NEK6: variants seen among roughly 807,000 people sequenced by gnomAD.
NEK6 encodes NIMA related kinase 6, also known as serine/threonine-protein kinase Nek6.
In NEK6, 27 loss-of-function variants were observed where a neutral mutation model predicts 43.5. The ratio of observed to expected loss-of-function variants is 0.62; its 90% CI spans 0.46 to 0.86. The LOEUF (loss-of-function observed/expected upper bound fraction) is 0.86. Ranked by LOEUF, NEK6 falls within the 40% of genes least tolerant of loss-of-function variation. NEK6 has a pLI of 0.00. For missense variants in NEK6, 318 were observed against 414.4 expected (o/e 0.77, Z 2.02); for synonymous variants, 167 against 164.1 (o/e 1.02, Z -0.14).
At chr9:124,308,418 G>A (rs1051020091) in intron 2 of NEK6, among the ~76,000 whole-genome samples, 67 of 152,140 alleles carry the variant, frequency 4.4e-4, no homozygotes, top group Non-Finnish European at 6.3e-4. Flanking sequence ...TTGGGAGGCC[G>A]AGGCAGGTGG....
chr9:124,308,309 A>C (rs978571812), intron 2 of NEK6, among the ~76,000 whole-genome samples: 1 of 152,160 alleles, frequency 6.6e-6, no homozygotes, highest in Non-Finnish European at 1.5e-5. Flanking sequence ...TATTTTCCCC[A>C]GGAGCCACAA....
At chr9:124,340,647 C>T (rs1829558253) in intron 8 of NEK6, among the ~76,000 whole-genome samples, 1 of 152,228 alleles carries the variant, frequency 6.6e-6, no homozygotes, top group African/African-American at 2.4e-5. Flanking sequence ...TTTCTGCTTT[C>T]CCTGGAGCTG....
chr9:124,342,088 C>T (rs937624361), intron 8 of NEK6, among the ~76,000 whole-genome samples: 6 of 152,174 alleles, frequency 3.9e-5, no homozygotes, highest in African/African-American at 1.2e-4. Context: ...CCACCAAGGT[C>T]GCTGAGGCTA....
rs76849847 is a variant in NEK6 at position 124,342,596 on chromosome 9, G to A, written c.717+2931G>A. On this transcript the variant is annotated intron_variant, in intron 8 of 9. Transcript: ENST00000320246. The stretch of plus-strand genomic sequence containing the variant: ...AGGCCAAGCACGGGCACTTCTGCCC[G>A]CCTCCGGCACGAGGCTCCTGCAGCT... Among the ~76,000 whole-genome samples, 523 of 152,348 alleles carry A rather than the reference G, an allele frequency of 3.4e-3. 2 individuals carry two copies. Among genetic ancestry groups the A allele is most frequent in the Non-Finnish European group, 6.2e-3 (424 of 68,028 alleles).
At chr9:124,308,710 A>G (rs1014283995) in intron 2 of NEK6, among the ~76,000 whole-genome samples, 2 of 151,348 alleles carry the variant, frequency 1.3e-5, no homozygotes, top group Admixed American at 1.3e-4. Context: ...GTGGTCGGTC[A>G]TTAGTCAGCA....
intron 8 of NEK6, among the ~76,000 whole-genome samples, chr9:124,347,340 T>C (rs554738927): frequency 6.6e-6 from 1 of 151,886 alleles, no homozygotes; most frequent in South Asian, 2.1e-4. Flanking sequence ...CTTGGAAAAA[T>C]CGCGTTTTAT....
chr9:124,326,213 C>CT lies in NEK6; in HGVS notation c.406-117_406-116insT, dbSNP rs1554853523. 5.6e-6 allele frequency: 1 copy of CT among 178,956 alleles called. No homozygotes were observed. 11.1% of individuals were successfully genotyped at this position (178,956 alleles called of 1,614,324 possible). ...GCTCAGTGGCTCAATCCCCCCCCCC[C>CT]GCCCCTGCCAGGCACCAGTTACCCA... On this transcript the variant is annotated intron_variant, in intron 5 of 9. Transcript: ENST00000320246. The surrounding 1 kb of genome is among the most constrained non-coding windows in gnomAD (Gnocchi z 4.5).
intron 2 of NEK6, among the ~76,000 whole-genome samples, chr9:124,307,196 C>A (rs970706851): frequency 2.0e-5 from 3 of 151,562 alleles, no homozygotes; most frequent in Non-Finnish European, 4.4e-5. Flanking sequence ...CTCAAATTAG[C>A]GCAGGGTGGG....
At chr9:124,302,201 C>G in intron 2 of NEK6, 147 bp downstream of exon 2, 1 of 605,576 alleles carries the variant, frequency 1.7e-6, no homozygotes, top group African/African-American at 1.9e-5. Context: ...ATGGGGAGCT[C>G]GCTACCAAAT....
chr9:124,313,806 A>G lies in NEK6; in HGVS notation c.232-117A>G, dbSNP rs187674918. 3,025 of 972,982 alleles carry G rather than the reference A, an allele frequency of 3.1e-3. 44 individuals carry two copies. In the African/African-American group the frequency reaches 0.04, roughly 13 times the overall value. The allele number at this position is 972,982 out of a possible 1,614,324, so 60.3% of individuals were successfully genotyped here. A position where few individuals can be genotyped will look rare whatever the true frequency, so the allele number is the denominator to read the frequency against. On this transcript the variant is annotated intron_variant, in intron 3 of 9. Coordinates refer to ENST00000320246, the MANE Select transcript of NEK6 (RefSeq NM_014397.6). Reference sequence around the variant, plus strand: ...GGCTGGGAGTGCAGGGGGGGGTCACAGAGTCCCTTGGTGAGGAGGTGGGAG... The same window carrying G: ...GGCTGGGAGTGCAGGGGGGGGTCACGGAGTCCCTTGGTGAGGAGGTGGGAG...
intron 1 of NEK6, among the ~76,000 whole-genome samples, chr9:124,266,764 C>T (rs1245482079): frequency 6.6e-6 from 1 of 152,198 alleles, no homozygotes; most frequent in Non-Finnish European, 1.5e-5. Context: ...CGGCCGGATC[C>T]TTGGAGAATG....
At chr9:124,261,427 A>C (rs2088658024) in intron 1 of NEK6, 10 of 985,358 alleles carry the variant, frequency 1.0e-5, no homozygotes, top group Non-Finnish European at 1.1e-5. Flanking sequence ...GACCTGGTGA[A>C]TCATCCAAGA....
intron 2 of NEK6, among the ~76,000 whole-genome samples, chr9:124,308,589 G>T (rs1156762587): frequency 6.6e-6 from 1 of 151,358 alleles, no homozygotes; most frequent in Non-Finnish European, 1.5e-5. Flanking sequence ...CCGGGAGGCG[G>T]AGATTGCAAT....
At chr9:124,296,444 G>A (rs533922719) in intron 1 of NEK6, among the ~76,000 whole-genome samples, 11 of 152,302 alleles carry the variant, frequency 7.2e-5, no homozygotes, top group Non-Finnish European at 1.5e-4. Flanking sequence ...ACACCTGTCA[G>A]TCTGGGAGCC....
chr9:124,297,768 C>T (rs777679047), intron 1 of NEK6, among the ~76,000 whole-genome samples: 1 of 152,216 alleles, frequency 6.6e-6, no homozygotes, highest in African/African-American at 2.4e-5. Flanking sequence ...ATCCCGGGGA[C>T]GGGCAGTCCT....
chr9:124,280,795 A>C (rs937885594), intron 1 of NEK6, among the ~76,000 whole-genome samples: 5 of 151,564 alleles, frequency 3.3e-5, no homozygotes, highest in Non-Finnish European at 5.9e-5. Context: ...TTTTCTCTTC[A>C]TTTTTTTCTT....
chr9:124,320,332 C>T (rs539104054), intron 4 of NEK6, among the ~76,000 whole-genome samples: 1 of 152,328 alleles, frequency 6.6e-6, no homozygotes, highest in South Asian at 2.1e-4. Context: ...AGGGCCCACA[C>T]ATGGGGGGCT....
intron 1 of NEK6, among the ~76,000 whole-genome samples, chr9:124,266,567 C>T (rs116815516): frequency 1.1e-4 from 16 of 152,296 alleles, no homozygotes; most frequent in African/African-American, 3.4e-4. Flanking sequence ...CATGCCAGGG[C>T]CCCTGAGCAT....
rs544957561 is a variant in NEK6, at chr9:124,315,876, A to C, written c.294+1891A>C. ...CTAGCTGTGTGGCTGCAGGCCAGCC[A>C]TGGGCCTCTCAGGACCTCAGTTTCC... On this transcript the variant is annotated intron_variant, in intron 4 of 9. Coordinates refer to ENST00000320246, the MANE Select transcript of NEK6 (RefSeq NM_014397.6). Among the ~76,000 whole-genome samples, 4 of 152,364 alleles carry C rather than the reference A, an allele frequency of 2.6e-5. No homozygotes were observed. The East Asian group carries it at 7.7e-4, about 29-fold the overall frequency.
Sources: gnomAD v4.1 joint callset for allele counts (sites outside exome capture counted in the v4.1 genomes callset) on GRCh38, gnomAD v4.1.1 for gene constraint, Gnocchi (gnomAD v3.1) non-coding constraint, MANE v1.5 for transcripts, NCBI Gene and HGNC (gene_info 2026-07-23, HGNC 2026-07-21) for gene names.